Variants in EBF2 observed in about 807,000 individuals in gnomAD.
EBF2 encodes the protein transcription factor COE2.
Under a neutral mutation model 72.8 loss-of-function variants are expected in EBF2, and 21 were observed. That is an observed-to-expected ratio of 0.29 (90% CI 0.20 to 0.42). EBF2 has a LOEUF of 0.42. Ranked by LOEUF, EBF2 falls within the 10% of genes least tolerant of loss-of-function variation. The pLI is 1.00. For synonymous variants in EBF2, 299 were observed against 274.2 expected (o/e 1.09, Z -0.89); for missense variants, 637 against 731.2 (o/e 0.87, Z 1.49).
chr8:25,952,042 C>T (rs1210375818), intron 6 of EBF2, among the ~76,000 whole-genome samples: 1 of 152,122 alleles, frequency 6.6e-6, no homozygotes, highest in Non-Finnish European at 1.5e-5. Context: ...CCTGTAATTC[C>T]AACCCTGTGG....
At position 25,914,400 on chromosome 8, in the gene EBF2, C is replaced by T. The variant is rs561165073; in HGVS notation, c.552-5845G>A. Among the ~76,000 whole-genome samples, 6 of 152,330 alleles carry T rather than the reference C, an allele frequency of 3.9e-5. No homozygotes were observed. In the East Asian group the frequency reaches 9.6e-4, roughly 24 times the overall value. The stretch of plus-strand genomic sequence containing the variant: ...GGGAAGGTGAAGGTTAGCAGTGGGA[C>T]CCAGCCTTGGCCTGGAGATGAAGTG... On this transcript the variant is annotated intron_variant, in intron 6 of 15. Coordinates refer to ENST00000520164, the MANE Select transcript of EBF2 (RefSeq NM_022659.4).
rs914007912 is a variant in EBF2, at chr8:25,843,815, A to G, written c.*794T>C. On this transcript the variant is annotated 3_prime_UTR_variant, in exon 16 of 16. Coordinates refer to ENST00000520164, the MANE Select transcript of EBF2 (RefSeq NM_022659.4). ...TCTACATGTTCTTGCCCTTGGGTCA[A>G]TAAAGTGATGGAAAAGGAGGGGGTG... is the stretch of plus-strand genomic sequence containing the variant. 6.6e-6 allele frequency: 1 copy of G among 152,218 alleles called. No individual in the cohort carries two copies. Among genetic ancestry groups the G allele is most frequent in the Admixed American group, 6.5e-5 (1 of 15,270 alleles). The allele number at this position is 152,218 out of a possible 1,614,324, so 9.4% of individuals were successfully genotyped here.
chr8:25,976,561 T>C (rs1248496351), intron 6 of EBF2, among the ~76,000 whole-genome samples: 1 of 152,228 alleles, frequency 6.6e-6, no homozygotes, highest in East Asian at 1.9e-4. Flanking sequence ...CTTTACTTAT[T>C]TGTTAATCTG....
At chr8:25,974,749 C>T (rs1025725908) in intron 6 of EBF2, among the ~76,000 whole-genome samples, 1 of 152,108 alleles carries the variant, frequency 6.6e-6, no homozygotes, top group Non-Finnish European at 1.5e-5. Flanking sequence ...TCCCCCTGCC[C>T]CCCCATCCTA....
intron 7 of EBF2, among the ~76,000 whole-genome samples, chr8:25,900,586 A>G (rs911243524): frequency 3.3e-5 from 5 of 152,248 alleles, no homozygotes; most frequent in Non-Finnish European, 7.3e-5. Flanking sequence ...TAAATTAAAA[A>G]TGATTATTCT....
chr8:25,976,922 G>A (rs1184289736), intron 6 of EBF2, among the ~76,000 whole-genome samples: 3 of 152,184 alleles, frequency 2.0e-5, no homozygotes, highest in African/African-American at 7.2e-5. Context: ...GGAACGCTCT[G>A]TGCACCTCCT....
intron 15 of EBF2, among the ~76,000 whole-genome samples, chr8:25,847,800 C>G (rs1266263724): frequency 6.6e-6 from 1 of 152,124 alleles, no homozygotes; most frequent in Admixed American, 6.5e-5. Flanking sequence ...TTGATATTTT[C>G]ATAGATTTTT....
In EBF2 at chr8:25,990,774, C is replaced by T. The variant is rs552644116; in HGVS notation, c.551+42311G>A. On this transcript the variant is annotated intron_variant, in intron 6 of 15. Transcript: ENST00000520164. ...CATATGCTACGCGATGTTGTTTGAGCCAACTCAGTACCTTATAATTATAAA... is the reference window on the plus strand; with the variant it reads ...CATATGCTACGCGATGTTGTTTGAGTCAACTCAGTACCTTATAATTATAAA... Among the ~76,000 whole-genome samples the T allele has an allele frequency of 3.9e-5, 6 of 152,322 alleles. No homozygotes were observed. In the South Asian group the frequency reaches 1.2e-3, roughly 32 times the overall value.
intron 8 of EBF2, among the ~76,000 whole-genome samples, chr8:25,889,279 A>AT (rs1802739052): frequency 6.6e-6 from 1 of 152,180 alleles, no homozygotes; most frequent in Admixed American, 6.5e-5. Flanking sequence ...GGTATTTCTA[A>AT]TTACTTTAAT....
intron 6 of EBF2, among the ~76,000 whole-genome samples, chr8:25,979,382 T>G (rs1468107876): frequency 6.6e-6 from 1 of 152,220 alleles, no homozygotes; most frequent in Non-Finnish European, 1.5e-5. Context: ...CGAGTCACAT[T>G]GTGTCATGCC....
In EBF2 at chr8:25,965,794, C is replaced by T. The variant is rs556615241; in HGVS notation, c.552-57239G>A. Among the ~76,000 whole-genome samples the T allele has an allele frequency of 4.6e-5, 7 of 152,328 alleles. No individual in the cohort carries two copies. In the South Asian group the frequency reaches 6.2e-4, roughly 14 times the overall value. On this transcript the variant is annotated intron_variant, in intron 6 of 15. Coordinates refer to ENST00000520164, the MANE Select transcript of EBF2 (RefSeq NM_022659.4). ...TGAGGCAGTCACCACAGCTCTCCCACAGTGAAAGATGGGGAGGGCATTTAC... is the reference window on the plus strand; with the variant it reads ...TGAGGCAGTCACCACAGCTCTCCCATAGTGAAAGATGGGGAGGGCATTTAC...
intron 6 of EBF2, among the ~76,000 whole-genome samples, chr8:25,981,877 G>A (rs117178240): frequency 0.01 from 1,543 of 151,980 alleles, 11 homozygotes; most frequent in Non-Finnish European, 0.016. Flanking sequence ...TTCCTTAAAT[G>A]GAAAGATCTA....
chr8:25,969,336 C>A (rs1168065545), intron 6 of EBF2, among the ~76,000 whole-genome samples: 1 of 152,180 alleles, frequency 6.6e-6, no homozygotes, highest in Non-Finnish European at 1.5e-5. Flanking sequence ...TTCATCAAGC[C>A]CTGAGAGCTA....
chr8:25,847,355 C>T (rs1481291810), intron 15 of EBF2, among the ~76,000 whole-genome samples: 1 of 152,138 alleles, frequency 6.6e-6, no homozygotes, highest in African/African-American at 2.4e-5. Flanking sequence ...TGTCTGAGAT[C>T]CCAGGATTTT....
intron 6 of EBF2, among the ~76,000 whole-genome samples, chr8:25,959,487 G>A (rs779089399): frequency 6.6e-6 from 1 of 152,240 alleles, no homozygotes; most frequent in Non-Finnish European, 1.5e-5. Flanking sequence ...TTACAGGCAT[G>A]AGCCACAAGG....
chr8:26,017,415 A>C (rs1805128853), intron 6 of EBF2, among the ~76,000 whole-genome samples: 1 of 152,066 alleles, frequency 6.6e-6, no homozygotes, highest in African/African-American at 2.4e-5. Flanking sequence ...TCTGTTTTTG[A>C]TAAAATAGAC....
intron 6 of EBF2, among the ~76,000 whole-genome samples, chr8:26,013,992 G>C (rs765514996): frequency 5.9e-5 from 9 of 152,076 alleles, no homozygotes; most frequent in Non-Finnish European, 1.2e-4. Flanking sequence ...TCTTCCAAAA[G>C]AGTCCAAAGC....
chr8:25,928,660 CAG>C (rs1210293618), intron 6 of EBF2, among the ~76,000 whole-genome samples: 1 of 151,276 alleles, frequency 6.6e-6, no homozygotes, highest in East Asian at 1.9e-4. Flanking sequence ...TATGTGAATT[CAG>C]AGTTTAACAA....
intron 6 of EBF2, among the ~76,000 whole-genome samples, chr8:25,956,465 CT>C (rs1803949925): frequency 6.6e-6 from 1 of 151,910 alleles, no homozygotes; most frequent in African/African-American, 2.4e-5. Context: ...CACAAGTACT[CT>C]TGTTACATGG....
Sources: gnomAD v4.1 joint callset for allele counts (sites outside exome capture counted in the v4.1 genomes callset) on GRCh38, gnomAD v4.1.1 for gene constraint, MANE v1.5 for transcripts, NCBI Gene and HGNC (gene_info 2026-07-23, HGNC 2026-07-21) for gene names.